PHF24: variants seen among roughly 807,000 people sequenced by gnomAD.
PHF24 encodes the protein Galpha inhibitory interacting protein.
In PHF24, 25 loss-of-function variants were observed where a neutral mutation model predicts 42.6. That is an observed-to-expected ratio of 0.59 (90% CI 0.43 to 0.82). The LOEUF is 0.82. Ranked by LOEUF, PHF24 falls within the 40% of genes least tolerant of loss-of-function variation. The pLI is 0.00. For missense variants in PHF24, 470 were observed against 538.1 expected (o/e 0.87, Z 1.25); for synonymous variants, 185 against 204.8 (o/e 0.90, Z 0.83).
intron 2 of PHF24, among the ~76,000 whole-genome samples, chr9:34,972,015 A>G (rs189353814): frequency 6.6e-6 from 1 of 152,198 alleles, no homozygotes; most frequent in East Asian, 1.9e-4. Context: ...AGGTCACAAC[A>G]CCAGGTGGCT....
the PHF24 span, among the ~76,000 whole-genome samples, chr9:34,796,051 A>T: frequency 6.6e-6 from 1 of 152,118 alleles, no homozygotes; most frequent in African/African-American, 2.4e-5. Flanking sequence ...GAGACTCTAG[A>T]AATAGACCTA....
chr9:34,909,586 CT>C, the PHF24 span, among the ~76,000 whole-genome samples: 1 of 151,354 alleles, frequency 6.6e-6, no homozygotes, highest in Non-Finnish European at 1.5e-5. Flanking sequence ...CTACTTTGTT[CT>C]TTTGAGAGGT....
intron 1 of PHF24, among the ~76,000 whole-genome samples, chr9:34,967,666 C>T (rs148571687): frequency 2.0e-5 from 3 of 152,212 alleles, no homozygotes; most frequent in South Asian, 2.1e-4. Flanking sequence ...CCATCGAACA[C>T]GCTGTTGCCC....
the PHF24 span, among the ~76,000 whole-genome samples, chr9:34,916,551 A>G: frequency 6.6e-6 from 1 of 152,244 alleles, no homozygotes; most frequent in Non-Finnish European, 1.5e-5. Context: ...TGATGCCAGC[A>G]AAAACTTAAC....
the PHF24 span, among the ~76,000 whole-genome samples, chr9:34,934,346 TACA>T: frequency 2.6e-5 from 4 of 152,176 alleles, no homozygotes; most frequent in Non-Finnish European, 5.9e-5. Flanking sequence ...GCAAAACATC[TACA>T]ACAACAGTAA....
chr9:34,863,495 TCTGC>T, the PHF24 span, among the ~76,000 whole-genome samples: 4 of 152,118 alleles, frequency 2.6e-5, no homozygotes, highest in African/African-American at 9.7e-5. Context: ...AACAAGAGTC[TCTGC>T]CTGGTAATCC....
chr9:34,724,481 G>T, the PHF24 span: 1 of 1,551,776 alleles, frequency 6.4e-7, no homozygotes, highest in Admixed American at 2.0e-5. Context: ...GTTCTCTGGT[G>T]CTGCAACAGT....
chr9:34,731,201 G>A, the PHF24 span, among the ~76,000 whole-genome samples: 1 of 152,044 alleles, frequency 6.6e-6, no homozygotes, highest in African/African-American at 2.4e-5. Context: ...TTTTGATACA[G>A]GCATACAATG....
At chr9:34,733,940 T>TTAGAACCTGTATG in the PHF24 span, among the ~76,000 whole-genome samples, 314 of 152,302 alleles carry the variant, frequency 2.1e-3, 6 homozygotes, top group East Asian at 0.05. Flanking sequence ...TAGTTAAGAA[T>TTAGAACCTGTATG]TACACTGAGG....
chr9:34,929,545 TAATG>T, the PHF24 span, among the ~76,000 whole-genome samples: 1 of 152,216 alleles, frequency 6.6e-6, no homozygotes, highest in African/African-American at 2.4e-5. Context: ...ATGAGCAAAC[TAATG>T]AATGATGAGT....
At chr9:34,870,204 A>G in the PHF24 span, among the ~76,000 whole-genome samples, 1 of 152,142 alleles carries the variant, frequency 6.6e-6, no homozygotes, top group Non-Finnish European at 1.5e-5. Flanking sequence ...ATGAACCTAC[A>G]TTGACACATC....
the PHF24 span, among the ~76,000 whole-genome samples, chr9:34,746,469 T>A: frequency 6.6e-6 from 1 of 152,192 alleles, no homozygotes; most frequent in Non-Finnish European, 1.5e-5. Context: ...ATGAGTGAAT[T>A]GGGTTTATTT....
chr9:34,899,712 G>A, the PHF24 span, among the ~76,000 whole-genome samples: 2 of 152,136 alleles, frequency 1.3e-5, no homozygotes, highest in Non-Finnish European at 2.9e-5. Context: ...GCAGGATTGT[G>A]GGGAGTAACA....
the PHF24 span, among the ~76,000 whole-genome samples, chr9:34,846,975 T>G: frequency 1.3e-5 from 2 of 152,174 alleles, no homozygotes; most frequent in South Asian, 4.1e-4. Flanking sequence ...GTTTTGGTAC[T>G]AGTACCATGC....
At chr9:34,676,761 A>T in the PHF24 span, among the ~76,000 whole-genome samples, 2 of 152,228 alleles carry the variant, frequency 1.3e-5, no homozygotes, top group Admixed American at 1.3e-4. Flanking sequence ...GAAGCTTACA[A>T]TCACGGCAGA....
intron 1 of PHF24, among the ~76,000 whole-genome samples, chr9:34,966,081 A>G (rs560075511): frequency 6.6e-6 from 1 of 152,220 alleles, no homozygotes; most frequent in Admixed American, 6.5e-5. Context: ...AGATACTGTC[A>G]AACTCACTGT....
At chr9:34,782,315 A>C in the PHF24 span, among the ~76,000 whole-genome samples, 1 of 152,138 alleles carries the variant, frequency 6.6e-6, no homozygotes, top group Non-Finnish European at 1.5e-5. Flanking sequence ...AATTTCGTAT[A>C]ATAATAACCA....
chr9:34,977,751 A>C, intron 7 of PHF24, 110 bp downstream of exon 7: 3 of 965,746 alleles, frequency 3.1e-6, no homozygotes, highest in Non-Finnish European at 3.2e-6. Flanking sequence ...GCGCCCACCC[A>C]AGAAACCAGG....
chr9:34,943,262 G>C, the PHF24 span, among the ~76,000 whole-genome samples: 4,524 of 152,270 alleles, frequency 0.03, 220 homozygotes, highest in African/African-American at 0.1. Context: ...TCTTGGCTGG[G>C]AGAGGAGGGA....
Sources: allele counts gnomAD v4.1 joint callset (sites outside exome capture counted in the v4.1 genomes callset), GRCh38; gene constraint gnomAD v4.1.1; transcripts MANE v1.5; gene names NCBI Gene and HGNC (gene_info 2026-07-23, HGNC 2026-07-21).